CHD8: variants seen among roughly 807,000 people sequenced by gnomAD.
CHD8 encodes chromodomain helicase DNA binding protein 8.
Under a neutral mutation model 279.2 loss-of-function variants are expected in CHD8, and 31 were observed. The ratio of observed to expected loss-of-function variants is 0.11; its 90% CI spans 0.08 to 0.15. The LOEUF (loss-of-function observed/expected upper bound fraction) is 0.15, where lower values mean the gene tolerates loss of function less well. Among genes scored for constraint, CHD8 ranks in the 10% least tolerant of loss-of-function variants. The probability of loss-of-function intolerance (pLI) is 1.00; values close to 1 mark genes in which losing one functional copy is unlikely to be tolerated. For synonymous variants in CHD8, 1,081 were observed against 1,139.6 expected (o/e 0.95, Z 1.04); for missense variants, 2,146 against 3,230.5 (o/e 0.66, Z 8.14).
chr14:21,451,171 C>A (rs542594789), intron 1 of CHD8, among the ~76,000 whole-genome samples: 1 of 152,090 alleles, frequency 6.6e-6, no homozygotes, highest in Non-Finnish European at 1.5e-5. Context: ...GAATATACTA[C>A]AGGAAAATCT....
chr14:21,451,864 G>A (rs1245027638), intron 1 of CHD8, among the ~76,000 whole-genome samples: 3 of 152,184 alleles, frequency 2.0e-5, no homozygotes, highest in Admixed American at 2.0e-4. Flanking sequence ...AGAAACGTCA[G>A]AGATTAAGAT....
chr14:21,391,336 TATTA>T (rs572429791), intron 36 of CHD8, 123 bp downstream of exon 36: 53 of 883,526 alleles, frequency 6.0e-5, no homozygotes, highest in South Asian at 3.7e-4. Context: ...GACTGGGTAT[TATTA>T]ATTATTACCC....
At chr14:21,392,939 T>G (rs1887613917) in intron 33 of CHD8, 130 bp from the exon 34 acceptor site, 1 of 1,197,640 alleles carries the variant, frequency 8.3e-7, no homozygotes, top group Non-Finnish European at 1.2e-6. Flanking sequence ...AAGTTAATAC[T>G]ATTAAGATTC....
At chr14:21,450,487 A>G (rs1462588368) in intron 1 of CHD8, among the ~76,000 whole-genome samples, 4 of 152,164 alleles carry the variant, frequency 2.6e-5, no homozygotes, top group South Asian at 2.1e-4. Context: ...GAAACCTTAA[A>G]CATTTTACAA....
chr14:21,428,149 C>A lies in CHD8; in HGVS notation c.1321G>T (p.Gly441Trp), dbSNP rs1016826859. Reference sequence around the variant, plus strand: ...TTTTCCTCCATTCCTGTCTTTCCCCCCGAATGAGGAGCAGAGCTTGCTGGT... The same window carrying A: ...TTTTCCTCCATTCCTGTCTTTCCCCACGAATGAGGAGCAGAGCTTGCTGGT... ...SSPASSAPHS[G>W]GKTGMEENRR... The change falls in exon 4 of 38, where the codon GGG (glycine) becomes TGG (tryptophan). Residue 441 changes from glycine (G) to tryptophan (W), a missense_variant. This residue lies in a region of CHD8 where 170 missense variants were observed against 189.9 expected (regional missense o/e 0.90). Transcript: ENST00000646647. 2 of 1,614,020 alleles carry A rather than the reference C, an allele frequency of 1.2e-6. No individual in the cohort carries two copies. Among genetic ancestry groups the A allele is most frequent in the Non-Finnish European group, 1.7e-6 (2 of 1,179,902 alleles).
intron 37 of CHD8, among the ~76,000 whole-genome samples, chr14:21,387,349 C>T (rs920893407): frequency 1.4e-5 from 2 of 147,328 alleles, no homozygotes; most frequent in Non-Finnish European, 3.0e-5. Flanking sequence ...AGCCGGGAGT[C>T]AGCCAGGCGT....
In CHD8 at chr14:21,428,994, T is replaced by C. The variant is rs201141573; in HGVS notation, c.1185A>G (p.Ser395=). 1.9e-6 allele frequency: 3 copies of C among 1,613,928 alleles called. No individual in the cohort carries two copies. Among genetic ancestry groups the C allele is most frequent in the Non-Finnish European group, 2.5e-6 (3 of 1,179,898 alleles). ...GPGQSPGQRL[S]VPVKVVLQPQ... The stretch of plus-strand genomic sequence containing the variant: ...GCTGCAGTACCACCTTGACTGGTAC[T>C]GAAAGTCTTTGTCCTGGGCTTTGTC... The change falls in exon 3 of 38, where the codon TCA becomes TCG. Residue 395 remains serine, a synonymous_variant. Coordinates refer to ENST00000646647, the MANE Select transcript of CHD8 (RefSeq NM_001170629.2).
chr14:21,439,775 CAT>C (rs1348499767), intron 1 of CHD8, among the ~76,000 whole-genome samples: 4 of 152,178 alleles, frequency 2.6e-5, no homozygotes, highest in Non-Finnish European at 5.9e-5. Flanking sequence ...TATTTTCTAC[CAT>C]TTGTCTACAT....
chr14:21,450,168 G>C (rs960257719), intron 1 of CHD8, among the ~76,000 whole-genome samples: 7 of 152,254 alleles, frequency 4.6e-5, no homozygotes, highest in Non-Finnish European at 1.0e-4. Context: ...CAGAAATCCA[G>C]AAACATCTTA....
intron 21 of CHD8, 142 bp downstream of exon 21, chr14:21,401,261 G>T: frequency 1.3e-6 from 1 of 742,964 alleles, no homozygotes; most frequent in Non-Finnish European, 2.1e-6. Flanking sequence ...GGGCCTCCTA[G>T]GTAGAAAGTA....
At chr14:21,386,548 T>A (rs890652403) in intron 37 of CHD8, among the ~76,000 whole-genome samples, 1 of 152,130 alleles carries the variant, frequency 6.6e-6, no homozygotes, top group Non-Finnish European at 1.5e-5. Context: ...ATAAAAAAAA[T>A]CACTTGTGAC....
At chr14:21,393,386 A>C in intron 32 of CHD8, 90 bp downstream of exon 32, 1 of 1,500,206 alleles carries the variant, frequency 6.7e-7, no homozygotes, top group South Asian at 1.4e-5. Context: ...TCAAAATCCA[A>C]ATCTCTCTCA....
At chr14:21,394,520 A>G in intron 30 of CHD8, 35 bp from the exon 31 acceptor site, 2 of 1,404,896 alleles carry the variant, frequency 1.4e-6, no homozygotes, top group Non-Finnish European at 2.0e-6. Flanking sequence ...AATAATCAGA[A>G]GAACACATCA....
At position 21,385,379 on chromosome 14, in the gene CHD8, T is replaced by C; in HGVS notation, c.*234A>G. On this transcript the variant is annotated 3_prime_UTR_variant, in exon 38 of 38. Coordinates refer to ENST00000646647, the MANE Select transcript of CHD8 (RefSeq NM_001170629.2). ...AGCACACCAGCTGCTCTAGTCTCCTTTCCTTCCCCAGAAATGAGGAAGTGG... is the reference window on the plus strand; with the variant it reads ...AGCACACCAGCTGCTCTAGTCTCCTCTCCTTCCCCAGAAATGAGGAAGTGG... The C allele has an allele frequency of 1.6e-6, 1 of 628,232 alleles. No homozygotes were observed. Among genetic ancestry groups the C allele is most frequent in the African/African-American group, 1.8e-5 (1 of 54,506 alleles). 38.9% of individuals were successfully genotyped at this position (628,232 alleles called of 1,614,324 possible).
chr14:21,399,553 G>T, intron 26 of CHD8, 49 bp downstream of exon 26: 1 of 1,326,806 alleles, frequency 7.5e-7, no homozygotes, highest in Non-Finnish European at 1.1e-6. Context: ...TTCCATCCGT[G>T]AACATAAATC....
In CHD8 at chr14:21,408,631, T is replaced by C. The variant is rs748955000; in HGVS notation, c.2486+73A>G. On this transcript the variant is annotated intron_variant, in intron 12 of 37. Coordinates refer to ENST00000646647, the MANE Select transcript of CHD8 (RefSeq NM_001170629.2). The surrounding 1 kb of genome is among the most constrained non-coding windows in gnomAD (Gnocchi z 4.3). ...AAAAAATAGAGTATGTAGGAAGAAA[T>C]TGTTTCAATAGAAAACAAATAAAAA... The C allele has an allele frequency of 1.3e-4, 199 of 1,566,856 alleles. No homozygotes were observed. The highest frequency in any genetic ancestry group is 1.6e-4 in the Non-Finnish European group (181 of 1,157,412).
At chr14:21,430,513 T>A in intron 2 of CHD8, 1 of 316,694 alleles carries the variant, frequency 3.2e-6, no homozygotes, top group Non-Finnish European at 5.9e-6. Flanking sequence ...GCTTAATATC[T>A]GTCTTTCCTG....
intron 27 of CHD8, chr14:21,397,601 A>C: frequency 2.0e-6 from 1 of 488,754 alleles, no homozygotes; most frequent in Non-Finnish European, 3.8e-6. Flanking sequence ...TAGAACATCA[A>C]ATAAGCCATT....
At chr14:21,448,438 G>T (rs1412455691) in intron 1 of CHD8, among the ~76,000 whole-genome samples, 1 of 152,132 alleles carries the variant, frequency 6.6e-6, no homozygotes, top group East Asian at 1.9e-4. Context: ...ATACAAAGAC[G>T]TAAATAAATC....
Sources: gnomAD v4.1 joint callset for allele counts (sites outside exome capture counted in the v4.1 genomes callset) on GRCh38, gnomAD v4.1.1 for gene constraint, gnomAD v4.1.1 regional missense constraint, Gnocchi (gnomAD v3.1) non-coding constraint, MANE v1.5 for transcripts, NCBI Gene and HGNC (gene_info 2026-07-23, HGNC 2026-07-21) for gene names.